The following MALRD1 variants were observed in gnomAD, a reference collection of about 807,000 sequenced individuals.
The protein encoded by MALRD1 is MAM and LDL-receptor class A domain-containing protein 1.
A neutral mutation model predicts 242.1 loss-of-function variants in MALRD1; 247 were observed. The observed-to-expected ratio is 1.02, with a 90% CI of 0.92 to 1.13. MALRD1 has a LOEUF of 1.13. Ranked by LOEUF, MALRD1 falls within the 50% of genes most tolerant of loss-of-function variation. The pLI, the probability that MALRD1 is intolerant of heterozygous loss-of-function variation, is 0.00. For missense variants in MALRD1, 2,989 were observed against 2,533.1 expected (o/e 1.18, Z -3.86); for synonymous variants, 995 against 866.6 (o/e 1.15, Z -2.60).
At chr10:19,523,977 A>C (rs1042596322) in intron 31 of MALRD1, among the ~76,000 whole-genome samples, 5 of 152,244 alleles carry the variant, frequency 3.3e-5, no homozygotes, top group Non-Finnish European at 5.9e-5. Context: ...TTGGAACAAA[A>C]TATAATTTAT....
At position 19,259,798 on chromosome 10, in the gene MALRD1, T is replaced by C. The variant is rs1839668371; in HGVS notation, c.3079+2027T>C. Among the ~76,000 whole-genome samples the C allele has an allele frequency of 2.0e-5, 3 of 152,220 alleles. No individual in the cohort carries two copies. The South Asian group carries it at 6.2e-4, about 32-fold the overall frequency. On this transcript the variant is annotated intron_variant, in intron 19 of 39. Transcript: ENST00000454679. The stretch of plus-strand genomic sequence containing the variant: ...TCCTTCTGGTCTCTGCCAGAGTTTC[T>C]TCTTCAGGGAAGCCTCCTCTGAACA...
chr10:19,601,454 G>C (rs866866050), intron 34 of MALRD1, among the ~76,000 whole-genome samples: 48 of 151,796 alleles, frequency 3.2e-4, no homozygotes, highest in East Asian at 7.8e-4. Flanking sequence ...TAATTTATTT[G>C]CTACCTACTC....
intron 24 of MALRD1, among the ~76,000 whole-genome samples, chr10:19,344,513 T>A (rs1844022271): frequency 6.6e-6 from 1 of 152,068 alleles, no homozygotes; most frequent in African/African-American, 2.4e-5. Flanking sequence ...TAGGTATCTA[T>A]TCCTCCACCA....
chr10:19,438,450 A>G (rs1184549658), intron 28 of MALRD1, among the ~76,000 whole-genome samples: 1 of 152,214 alleles, frequency 6.6e-6, no homozygotes, highest in African/African-American at 2.4e-5. Context: ...TGCTATTGCA[A>G]ATAATGTTGT....
At chr10:19,338,139 C>T (rs1039516887) in intron 24 of MALRD1, among the ~76,000 whole-genome samples, 1 of 151,850 alleles carries the variant, frequency 6.6e-6, no homozygotes, top group Non-Finnish European at 1.5e-5. Context: ...AAGAGTGGTA[C>T]ATTTTCTATA....
chr10:19,349,786 G>A (rs555553875), intron 25 of MALRD1, among the ~76,000 whole-genome samples: 23 of 152,068 alleles, frequency 1.5e-4, no homozygotes, highest in Admixed American at 1.2e-3. Flanking sequence ...TACAAAATAC[G>A]AAAATTCCAG....
intron 18 of MALRD1, among the ~76,000 whole-genome samples, chr10:19,248,154 T>A (rs567953039): frequency 6.6e-6 from 1 of 152,192 alleles, no homozygotes; most frequent in East Asian, 1.9e-4. Context: ...GTTTACATAC[T>A]AAGGTTGCTG....
intron 24 of MALRD1, among the ~76,000 whole-genome samples, chr10:19,334,561 G>A (rs1182574789): frequency 6.6e-6 from 1 of 151,876 alleles, no homozygotes; most frequent in Non-Finnish European, 1.5e-5. Flanking sequence ...TGTATCAGTT[G>A]AAAACAAAAC....
intron 29 of MALRD1, among the ~76,000 whole-genome samples, chr10:19,484,188 T>C (rs903868552): frequency 7.2e-5 from 11 of 152,154 alleles, no homozygotes; most frequent in African/African-American, 2.7e-4. Flanking sequence ...ACTACCTAGG[T>C]GACAGGATTA....
chr10:19,673,504 G>A (rs1037309093), intron 36 of MALRD1, among the ~76,000 whole-genome samples: 1 of 152,160 alleles, frequency 6.6e-6, no homozygotes, highest in Non-Finnish European at 1.5e-5. Flanking sequence ...TATTCAGATT[G>A]CCAGTAATTT....
rs1837834557 is a variant in MALRD1, at chr10:19,592,340, C to T, written c.5681-2854C>T. ...ATACCACGGGGAGCTCTGGAGCTGCCATGGCTCTTCGTAGATGCCCTACAT... is the reference window on the plus strand; with the variant it reads ...ATACCACGGGGAGCTCTGGAGCTGCTATGGCTCTTCGTAGATGCCCTACAT... On this transcript the variant is annotated intron_variant, in intron 33 of 39. Transcript: ENST00000454679. 1.3e-5 allele frequency among the ~76,000 whole-genome samples: 2 copies of T among 152,234 alleles called. 1 individual carries two copies. The highest frequency in any genetic ancestry group is 4.8e-5 in the African/African-American group (2 of 41,454).
chr10:19,372,027 T>G (rs1845402795), intron 26 of MALRD1, among the ~76,000 whole-genome samples: 1 of 152,156 alleles, frequency 6.6e-6, no homozygotes, highest in Non-Finnish European at 1.5e-5. Flanking sequence ...CACATACAAG[T>G]GAACAATTAC....
intron 33 of MALRD1, among the ~76,000 whole-genome samples, chr10:19,576,838 C>G (rs567328929): frequency 6.6e-6 from 1 of 152,282 alleles, no homozygotes; most frequent in South Asian, 2.1e-4. Flanking sequence ...CAGGAAACCA[C>G]GCTCTGAGAT....
At chr10:19,506,420 C>T (rs1191239855) in intron 31 of MALRD1, among the ~76,000 whole-genome samples, 1 of 152,048 alleles carries the variant, frequency 6.6e-6, no homozygotes, top group Non-Finnish European at 1.5e-5. Context: ...CTATATGAGC[C>T]CAATCTCATT....
chr10:19,592,728 GACACACACACAC>G (rs71949886), intron 33 of MALRD1, among the ~76,000 whole-genome samples: 2 of 123,828 alleles, frequency 1.6e-5, no homozygotes, highest in African/African-American at 2.9e-5. Context: ...AAAATATAAA[GACACACACACAC>G]ACACACACAC....
intron 1 of MALRD1, among the ~76,000 whole-genome samples, chr10:19,052,357 CT>C (rs926459789): frequency 5.3e-5 from 8 of 151,992 alleles, no homozygotes; most frequent in Admixed American, 2.0e-4. Context: ...GTAAATGTTA[CT>C]TTTTTTTGTC....
At chr10:19,157,901 A>G (rs2131475697) in intron 12 of MALRD1, among the ~76,000 whole-genome samples, 1 of 152,276 alleles carries the variant, frequency 6.6e-6, no homozygotes, top group East Asian at 1.9e-4. Context: ...GCCATTTTGC[A>G]TGGATTACCT....
chr10:19,660,834 T>A (rs1228792613), intron 36 of MALRD1, among the ~76,000 whole-genome samples: 1 of 152,192 alleles, frequency 6.6e-6, no homozygotes, highest in African/African-American at 2.4e-5. Context: ...TTTCCTTGTT[T>A]AATTATGTTT....
At chr10:19,381,829 ACT>A (rs1271197683) in intron 26 of MALRD1, among the ~76,000 whole-genome samples, 1 of 151,972 alleles carries the variant, frequency 6.6e-6, no homozygotes, top group Non-Finnish European at 1.5e-5. Context: ...ACAGAGTAAG[ACT>A]CTGTCTCAAA....
Sources: gnomAD v4.1 joint callset for allele counts (sites outside exome capture counted in the v4.1 genomes callset) on GRCh38, gnomAD v4.1.1 for gene constraint, MANE v1.5 for transcripts, NCBI Gene and HGNC (gene_info 2026-07-23, HGNC 2026-07-21) for gene names.